The following KAZN variants were observed in gnomAD, a reference collection of about 807,000 sequenced individuals.
KAZN encodes the protein kazrin, periplakin interacting protein.
A neutral mutation model predicts 87.4 loss-of-function variants in KAZN; 40 were observed. The observed-to-expected ratio is 0.46, with a 90% CI of 0.36 to 0.60. KAZN has a LOEUF of 0.60. KAZN is among the 20% of genes least tolerant of loss of function. The pLI, the probability that KAZN is intolerant of heterozygous loss-of-function variation, is 0.00. For synonymous variants in KAZN, 466 were observed against 458.3 expected (o/e 1.02, Z -0.22); for missense variants, 898 against 1,073.9 (o/e 0.84, Z 2.29).
At chr1:14,251,719 GCT>G (rs1650061780) in intron 2 of KAZN, among the ~76,000 whole-genome samples, 1 of 142,776 alleles carries the variant, frequency 7.0e-6, no homozygotes. Context: ...CATGATCATG[GCT>G]CACTGCAGCC....
At chr1:14,781,188 GGCA>G (rs1645328403) in intron 1 of KAZN, among the ~76,000 whole-genome samples, 4 of 152,212 alleles carry the variant, frequency 2.6e-5, no homozygotes, top group Admixed American at 2.0e-4. Flanking sequence ...CGGGCATGGT[GGCA>G]GGCACCTGTA....
chr1:14,032,735 C>A (rs115707934), intron 1 of KAZN, among the ~76,000 whole-genome samples: 1 of 152,112 alleles, frequency 6.6e-6, no homozygotes, highest in Non-Finnish European at 1.5e-5. Flanking sequence ...ACCTCCTTAA[C>A]GTGTGTAACT....
chr1:14,762,830 G>C (rs999068926), intron 1 of KAZN, among the ~76,000 whole-genome samples: 3 of 152,074 alleles, frequency 2.0e-5, no homozygotes, highest in Non-Finnish European at 4.4e-5. Flanking sequence ...TCAGCACTGG[G>C]AACTTGCACT....
At chr1:14,941,545 G>A (rs1441259144) in intron 1 of KAZN, among the ~76,000 whole-genome samples, 1 of 151,928 alleles carries the variant, frequency 6.6e-6, no homozygotes, top group African/African-American at 2.4e-5. Context: ...GCCTGGGTTG[G>A]GGGGTGGGAT....
chr1:14,198,461 A>C (rs1186572118), intron 2 of KAZN, among the ~76,000 whole-genome samples: 2 of 152,148 alleles, frequency 1.3e-5, no homozygotes, highest in African/African-American at 2.4e-5. Flanking sequence ...TTAGCTGGGC[A>C]TGGTGGCGCA....
rs78022623 is a variant in KAZN at position 14,708,849 on chromosome 1, T to C, written c.226+109626T>C. ...TGCAGACTGTCACCTGATTTTGGTT[T>C]ATCGTTTTGTTTGCCCTCATCAGGT... On this transcript the variant is annotated intron_variant, in intron 1 of 14. Coordinates refer to ENST00000376030, the MANE Select transcript of KAZN (RefSeq NM_201628.3). Among the ~76,000 whole-genome samples, 4 of 152,376 alleles carry C rather than the reference T, an allele frequency of 2.6e-5. No homozygotes were observed. In the East Asian group the frequency reaches 7.7e-4, roughly 29 times the overall value.
chr1:14,710,764 G>C (rs1362534245), intron 1 of KAZN, among the ~76,000 whole-genome samples: 1 of 152,158 alleles, frequency 6.6e-6, no homozygotes, highest in Non-Finnish European at 1.5e-5. Context: ...TTGTGTATTT[G>C]TTGATGTCTG....
intron 2 of KAZN, among the ~76,000 whole-genome samples, chr1:14,573,653 T>A (rs1189346279): frequency 2.0e-5 from 3 of 151,948 alleles, no homozygotes; most frequent in South Asian, 2.1e-4. Context: ...TCTCAAAAAA[T>A]TTTTTAAAAA....
intron 1 of KAZN, among the ~76,000 whole-genome samples, chr1:14,841,036 TCAA>T (rs1322223307): frequency 3.9e-5 from 6 of 152,096 alleles, no homozygotes; most frequent in South Asian, 2.1e-4. Flanking sequence ...ATTCTAAGCA[TCAA>T]CAACAAGTGT....
At chr1:14,605,556 G>T (rs536510460) in intron 1 of KAZN, among the ~76,000 whole-genome samples, 1 of 152,270 alleles carries the variant, frequency 6.6e-6, no homozygotes, top group South Asian at 2.1e-4. Flanking sequence ...ATTAAGTAGA[G>T]AAATCAAGTA....
chr1:14,430,006 G>A (rs1665954050), intron 2 of KAZN, among the ~76,000 whole-genome samples: 1 of 152,006 alleles, frequency 6.6e-6, no homozygotes. Flanking sequence ...AGCCACACTG[G>A]CTTGGCTGTT....
chr1:14,485,244 T>G (rs755941282), intron 2 of KAZN, among the ~76,000 whole-genome samples: 1 of 152,178 alleles, frequency 6.6e-6, no homozygotes, highest in Non-Finnish European at 1.5e-5. Context: ...CACGTTGCAT[T>G]CAAAGAAACA....
chr1:14,740,727 G>A (rs1010735501), intron 1 of KAZN, among the ~76,000 whole-genome samples: 1 of 152,032 alleles, frequency 6.6e-6, no homozygotes, highest in Admixed American at 6.5e-5. Flanking sequence ...GGATCAAGAG[G>A]GTCTCTTGAT....
At chr1:14,658,991 C>G (rs1473843997) in intron 1 of KAZN, among the ~76,000 whole-genome samples, 1 of 152,170 alleles carries the variant, frequency 6.6e-6, no homozygotes. Context: ...GTAATCTCAG[C>G]ACTTCAAGAG....
intron 2 of KAZN, among the ~76,000 whole-genome samples, chr1:14,319,016 TTATTTA>T (rs1655858718): frequency 9.0e-5 from 2 of 22,202 alleles, no homozygotes; most frequent in East Asian, 1.2e-3. Flanking sequence ...TTATTTTTAT[TTATTTA>T]TTTATTTATT....
At chr1:14,200,224 C>T (rs574229343) in intron 2 of KAZN, among the ~76,000 whole-genome samples, 48 of 152,008 alleles carry the variant, frequency 3.2e-4, no homozygotes, top group African/African-American at 1.0e-3. Flanking sequence ...AACCATTAAA[C>T]GCAATTAGGT....
chr1:15,071,537 G>A (rs912695735), intron 8 of KAZN, among the ~76,000 whole-genome samples: 4 of 152,160 alleles, frequency 2.6e-5, no homozygotes, highest in Admixed American at 6.5e-5. Flanking sequence ...TTACAAGTGT[G>A]AGCCACCGCA....
chr1:14,188,528 C>T (rs1448297988), intron 2 of KAZN, among the ~76,000 whole-genome samples: 5 of 151,968 alleles, frequency 3.3e-5, no homozygotes, highest in Non-Finnish European at 5.9e-5. Flanking sequence ...CAAAAGAAGG[C>T]TAGGGTAAGA....
At chr1:14,176,309 C>T (rs1175159530) in intron 1 of KAZN, among the ~76,000 whole-genome samples, 1 of 152,112 alleles carries the variant, frequency 6.6e-6, no homozygotes, top group Non-Finnish European at 1.5e-5. Context: ...ATCATCAACC[C>T]CAGTTGCTCA....
Sources: allele counts gnomAD v4.1 joint callset (sites outside exome capture counted in the v4.1 genomes callset), GRCh38; gene constraint gnomAD v4.1.1; transcripts MANE v1.5; gene names NCBI Gene and HGNC (gene_info 2026-07-23, HGNC 2026-07-21).